The following CNTN3 variants were observed in gnomAD, a reference collection of about 807,000 sequenced individuals.
The protein encoded by CNTN3 is contactin-3.
A neutral mutation model predicts 119.1 loss-of-function variants in CNTN3; 60 were observed. The observed-to-expected ratio is 0.50, with a 90% CI of 0.41 to 0.62. The LOEUF (loss-of-function observed/expected upper bound fraction) is 0.62, where lower values mean the gene tolerates loss of function less well. CNTN3 is among the 20% of genes least tolerant of loss of function. The pLI is 0.00. For synonymous variants in CNTN3, 450 were observed against 438.7 expected (o/e 1.03, Z -0.32); for missense variants, 1,101 against 1,242.4 (o/e 0.89, Z 1.71).
chr3:74,434,974 T>C (rs1701842201), intron 4 of CNTN3, among the ~76,000 whole-genome samples: 2 of 152,126 alleles, frequency 1.3e-5, no homozygotes, highest in Admixed American at 1.3e-4. Flanking sequence ...GTTCTTGGTG[T>C]TTCCTCTAAT....
At chr3:74,560,513 T>C (rs1326469769) in intron 1 of CNTN3, among the ~76,000 whole-genome samples, 2 of 152,156 alleles carry the variant, frequency 1.3e-5, no homozygotes, top group African/African-American at 4.8e-5. Flanking sequence ...TATAGAAATT[T>C]AGAAATATTC....
intron 1 of CNTN3, among the ~76,000 whole-genome samples, chr3:74,556,200 G>C (rs1704067173): frequency 1.3e-5 from 2 of 152,084 alleles, no homozygotes; most frequent in Admixed American, 6.6e-5. Flanking sequence ...TACTTCAATG[G>C]TTTATAGTAT....
At chr3:74,338,898 A>G (rs1703462710) in intron 11 of CNTN3, among the ~76,000 whole-genome samples, 1 of 152,148 alleles carries the variant, frequency 6.6e-6, no homozygotes, top group Non-Finnish European at 1.5e-5. Context: ...AAAACAAAAC[A>G]AAAAGGGACA....
intron 1 of CNTN3, among the ~76,000 whole-genome samples, chr3:74,551,858 G>C (rs1575824294): frequency 6.8e-6 from 1 of 146,940 alleles, no homozygotes; most frequent in East Asian, 2.0e-4. Flanking sequence ...CTGCCTTGTG[G>C]GTTCCAGAGA....
At chr3:74,364,043 A>G (rs542789725) in intron 10 of CNTN3, among the ~76,000 whole-genome samples, 10 of 152,260 alleles carry the variant, frequency 6.6e-5, no homozygotes, top group African/African-American at 2.2e-4. Context: ...AAGGTATCCA[A>G]TGTGTCAAGC....
intron 1 of CNTN3, among the ~76,000 whole-genome samples, chr3:74,596,347 A>C (rs1704809227): frequency 6.6e-6 from 1 of 152,188 alleles, no homozygotes; most frequent in Non-Finnish European, 1.5e-5. Context: ...TTTAACGTTC[A>C]TGTGGAACCA....
intron 5 of CNTN3, among the ~76,000 whole-genome samples, chr3:74,400,775 C>A (rs1319626352): frequency 6.6e-6 from 1 of 152,124 alleles, no homozygotes; most frequent in Non-Finnish European, 1.5e-5. Context: ...GTGCTGGTAA[C>A]TACCTTGAGT....
chr3:74,587,651 G>A (rs563278154), intron 1 of CNTN3, among the ~76,000 whole-genome samples: 5 of 152,218 alleles, frequency 3.3e-5, no homozygotes, highest in Middle Eastern at 3.4e-3. Context: ...ACAGTTATCC[G>A]AAAACCATCG....
intron 1 of CNTN3, among the ~76,000 whole-genome samples, chr3:74,588,085 C>T (rs916908820): frequency 4.6e-5 from 7 of 152,058 alleles, no homozygotes; most frequent in African/African-American, 1.7e-4. Flanking sequence ...TGTTTATATG[C>T]TGGATTACAT....
intron 5 of CNTN3, among the ~76,000 whole-genome samples, chr3:74,399,739 CTAAG>C (rs1218922416): frequency 6.6e-6 from 1 of 152,116 alleles, no homozygotes; most frequent in African/African-American, 2.4e-5. Context: ...AATAGCTGAA[CTAAG>C]TAAGTACACT....
intron 1 of CNTN3, among the ~76,000 whole-genome samples, chr3:74,566,806 T>C (rs1461187439): frequency 6.6e-6 from 1 of 152,168 alleles, no homozygotes; most frequent in Non-Finnish European, 1.5e-5. Flanking sequence ...GGCTACAAGG[T>C]CCTGGAGATA....
At chr3:74,610,541 G>T (rs1705064101) in intron 1 of CNTN3, among the ~76,000 whole-genome samples, 2 of 152,092 alleles carry the variant, frequency 1.3e-5, no homozygotes, top group South Asian at 4.1e-4. Flanking sequence ...GGACAGTAGT[G>T]TTTAAATCCC....
chr3:74,539,627 A>G (rs1048959758), intron 1 of CNTN3, among the ~76,000 whole-genome samples: 6 of 152,062 alleles, frequency 3.9e-5, no homozygotes, highest in African/African-American at 1.4e-4. Context: ...GGCAGTCCCT[A>G]CATAGATATC....
At chr3:74,266,423 C>A in intron 22 of CNTN3, 58 bp downstream of exon 22, 2 of 1,486,802 alleles carry the variant, frequency 1.3e-6, no homozygotes, top group South Asian at 2.3e-5. Context: ...GATTGACTCA[C>A]TATGGCGGAT....
chr3:74,292,187 T>C (rs760816182), intron 19 of CNTN3, among the ~76,000 whole-genome samples: 1 of 152,216 alleles, frequency 6.6e-6, no homozygotes, highest in African/African-American at 2.4e-5. Flanking sequence ...TGCTACAGAA[T>C]ATTTACTGGA....
chr3:74,365,176 T>C (rs1336120395), intron 9 of CNTN3, among the ~76,000 whole-genome samples: 1 of 152,030 alleles, frequency 6.6e-6, no homozygotes, highest in Non-Finnish European at 1.5e-5. Flanking sequence ...AGTACTTACA[T>C]AACAAGGTAA....
At chr3:74,568,456 A>G (rs1168596808) in intron 1 of CNTN3, among the ~76,000 whole-genome samples, 1 of 152,224 alleles carries the variant, frequency 6.6e-6, no homozygotes, top group African/African-American at 2.4e-5. Context: ...GAACAAACTC[A>G]GCCTACTCCA....
chr3:74,451,439 G>GCACA (rs1430126558), intron 4 of CNTN3, among the ~76,000 whole-genome samples: 9 of 152,102 alleles, frequency 5.9e-5, no homozygotes, highest in Admixed American at 1.3e-4. Context: ...AGTAGGTTGT[G>GCACA]AAAATTTTCT....
intron 1 of CNTN3, among the ~76,000 whole-genome samples, chr3:74,579,665 CA>C (rs1408097174): frequency 6.6e-6 from 1 of 151,826 alleles, no homozygotes; most frequent in East Asian, 1.9e-4. Context: ...CTAAATAACC[CA>C]AGGGTTAAAT....
Sources: gnomAD v4.1 joint callset for allele counts (sites outside exome capture counted in the v4.1 genomes callset) on GRCh38, gnomAD v4.1.1 for gene constraint, MANE v1.5 for transcripts, NCBI Gene and HGNC (gene_info 2026-07-23, HGNC 2026-07-21) for gene names.